DGKI: variants seen among roughly 807,000 people sequenced by gnomAD.
The protein encoded by DGKI is DAG kinase iota.
Under a neutral mutation model 147.5 loss-of-function variants are expected in DGKI, and 55 were observed. The observed-to-expected ratio is 0.37, with a 90% CI of 0.30 to 0.47. The LOEUF is 0.47. DGKI is among the 20% of genes least tolerant of loss of function. The pLI is 1.00. For synonymous variants in DGKI, 469 were observed against 477.1 expected (o/e 0.98, Z 0.22); for missense variants, 1,007 against 1,323.8 (o/e 0.76, Z 3.71).
intron 1 of DGKI, among the ~76,000 whole-genome samples, chr7:137,767,451 G>A (rs567221133): frequency 8.4e-6 from 1 of 119,052 alleles, no homozygotes; most frequent in Non-Finnish European, 1.7e-5. Flanking sequence ...TCTAATAAGA[G>A]TTCCAAAAGA....
intron 6 of DGKI, among the ~76,000 whole-genome samples, chr7:137,636,965 C>T (rs548192255): frequency 2.3e-4 from 35 of 152,288 alleles, no homozygotes; most frequent in Admixed American, 2.0e-3. Flanking sequence ...GTACAGCCTG[C>T]AGAACTGTGA....
chr7:137,636,947 T>C (rs528057417), intron 6 of DGKI, among the ~76,000 whole-genome samples: 1 of 152,214 alleles, frequency 6.6e-6, no homozygotes, highest in Non-Finnish European at 1.5e-5. Flanking sequence ...GCTGGTGCCA[T>C]GCTTCTTGTA....
intron 27 of DGKI, among the ~76,000 whole-genome samples, chr7:137,461,908 T>C (rs1814458500): frequency 1.3e-5 from 2 of 152,194 alleles, no homozygotes; most frequent in Non-Finnish European, 2.9e-5. Flanking sequence ...AGAGTTCATT[T>C]TGACATCTGG....
At chr7:137,534,013 TG>T (rs922298039) in intron 20 of DGKI, among the ~76,000 whole-genome samples, 2 of 152,120 alleles carry the variant, frequency 1.3e-5, no homozygotes, top group African/African-American at 4.8e-5. Flanking sequence ...TTTCATTTCA[TG>T]GAAGTGTTTC....
intron 3 of DGKI, among the ~76,000 whole-genome samples, chr7:137,676,095 G>A (rs553069842): frequency 3.9e-5 from 6 of 152,188 alleles, no homozygotes; most frequent in Admixed American, 2.6e-4. Flanking sequence ...CTCACAGTGC[G>A]AGGTGGGGAG....
chr7:137,765,385 A>G (rs1439279626), intron 1 of DGKI, among the ~76,000 whole-genome samples: 3 of 152,114 alleles, frequency 2.0e-5, no homozygotes, highest in Non-Finnish European at 4.4e-5. Flanking sequence ...TATCTATATC[A>G]TTTTGAGACA....
chr7:137,460,739 C>G (rs1256629966), intron 27 of DGKI, among the ~76,000 whole-genome samples: 2 of 152,102 alleles, frequency 1.3e-5, no homozygotes, highest in Non-Finnish European at 2.9e-5. Flanking sequence ...TAGAGATACT[C>G]CAACTTGTAC....
chr7:137,645,386 G>C (rs959620801), intron 6 of DGKI, 86 bp downstream of exon 6: 4 of 1,142,870 alleles, frequency 3.5e-6, no homozygotes, highest in Non-Finnish European at 5.0e-6. Context: ...GTGAACACTG[G>C]ATTTGGGGAC....
intron 29 of DGKI, among the ~76,000 whole-genome samples, chr7:137,408,580 T>C (rs1230213353): frequency 6.6e-6 from 1 of 152,158 alleles, no homozygotes; most frequent in Admixed American, 6.6e-5. Flanking sequence ...TCCTTCTTCA[T>C]CCAGATATGC....
intron 1 of DGKI, among the ~76,000 whole-genome samples, chr7:137,737,605 A>T (rs761176732): frequency 6.6e-6 from 1 of 152,032 alleles, no homozygotes; most frequent in Non-Finnish European, 1.5e-5. Flanking sequence ...CTTGAGCCCA[A>T]GGCATTTCCT....
intron 1 of DGKI, among the ~76,000 whole-genome samples, chr7:137,723,698 CCTTTTTTTTTT>C (rs1196352699): frequency 4.3e-5 from 6 of 140,450 alleles, no homozygotes; most frequent in African/African-American, 1.7e-4. Context: ...TCATGATATC[CCTTTTTTTTTT>C]TTTTTTTTTT....
chr7:137,509,182 C>A (rs191827821), intron 21 of DGKI, among the ~76,000 whole-genome samples: 2 of 152,328 alleles, frequency 1.3e-5, no homozygotes, highest in East Asian at 3.9e-4. Context: ...CCCACAACAT[C>A]CTCCAGTACT....
intron 30 of DGKI, among the ~76,000 whole-genome samples, chr7:137,399,770 C>G (rs1428589624): frequency 6.6e-6 from 1 of 151,962 alleles, no homozygotes; most frequent in Non-Finnish European, 1.5e-5. Flanking sequence ...ATTAGCCCAG[C>G]GTGGTGGTGT....
At chr7:137,703,105 C>T (rs1824038642) in intron 1 of DGKI, among the ~76,000 whole-genome samples, 1 of 152,160 alleles carries the variant, frequency 6.6e-6, no homozygotes, top group African/African-American at 2.4e-5. Context: ...GTTTAATTGA[C>T]TCACAGTTCT....
At chr7:137,733,103 A>T (rs945117646) in intron 1 of DGKI, among the ~76,000 whole-genome samples, 2 of 151,938 alleles carry the variant, frequency 1.3e-5, no homozygotes, top group Non-Finnish European at 2.9e-5. Context: ...CATAAAATGT[A>T]TCATTTAAAC....
chr7:137,658,497 A>G (rs1346782531), intron 3 of DGKI, among the ~76,000 whole-genome samples: 1 of 152,186 alleles, frequency 6.6e-6, no homozygotes, highest in Non-Finnish European at 1.5e-5. Context: ...AAGCAATGCA[A>G]TATTACCACA....
intron 23 of DGKI, among the ~76,000 whole-genome samples, chr7:137,473,097 T>C (rs938904667): frequency 6.6e-6 from 1 of 152,248 alleles, no homozygotes; most frequent in South Asian, 2.1e-4. Flanking sequence ...TAAGGAAATA[T>C]AGATGGTATA....
chr7:137,819,105 C>T (rs1797820428), intron 1 of DGKI, among the ~76,000 whole-genome samples: 1 of 152,160 alleles, frequency 6.6e-6, no homozygotes, highest in African/African-American at 2.4e-5. Flanking sequence ...TGAAACAAGA[C>T]TTGCATATTT....
chr7:137,477,462 A>G (rs1419781165), intron 23 of DGKI, among the ~76,000 whole-genome samples: 1 of 152,198 alleles, frequency 6.6e-6, no homozygotes, highest in Non-Finnish European at 1.5e-5. Flanking sequence ...ACAATACTAC[A>G]CAACCTAAAA....
Sources: gnomAD v4.1 joint callset for allele counts (sites outside exome capture counted in the v4.1 genomes callset) on GRCh38, gnomAD v4.1.1 for gene constraint, MANE v1.5 for transcripts, NCBI Gene and HGNC (gene_info 2026-07-23, HGNC 2026-07-21) for gene names.